CADM1: variants seen among roughly 807,000 people sequenced by gnomAD.
The protein encoded by CADM1 is cell adhesion molecule 1.
Under a neutral mutation model 53.1 loss-of-function variants are expected in CADM1, and 15 were observed. That is an observed-to-expected ratio of 0.28 (90% CI 0.19 to 0.44). The LOEUF (loss-of-function observed/expected upper bound fraction) is 0.44, where lower values mean the gene tolerates loss of function less well. CADM1 is among the 20% of genes least tolerant of loss of function. The pLI, the probability that CADM1 is intolerant of heterozygous loss-of-function variation, is 1.00. For synonymous variants in CADM1, 281 were observed against 243.0 expected, an observed-to-expected ratio of 1.16 and a Z score of -1.45; for missense variants, 434 against 611.3, an observed-to-expected ratio of 0.71 and a Z score of 3.06.
At chr11:115,371,608 G>A (rs1484883479) in intron 1 of CADM1, among the ~76,000 whole-genome samples, 1 of 150,278 alleles carries the variant, frequency 6.7e-6, no homozygotes, top group African/African-American at 2.4e-5. Context: ...ATCTAAACAC[G>A]CAATTAAAAG....
At chr11:115,271,976 T>C (rs1297016249) in intron 1 of CADM1, among the ~76,000 whole-genome samples, 2 of 152,212 alleles carry the variant, frequency 1.3e-5, no homozygotes, top group East Asian at 3.8e-4. Flanking sequence ...CTAATCACTC[T>C]TACACAGAAA....
At chr11:115,322,571 G>A (rs1033655208) in intron 1 of CADM1, among the ~76,000 whole-genome samples, 5 of 152,020 alleles carry the variant, frequency 3.3e-5, no homozygotes, top group Non-Finnish European at 4.4e-5. Flanking sequence ...CTTCTGGTTC[G>A]CCTCTTATCC....
chr11:115,340,056 T>C (rs1211159135), intron 1 of CADM1: 2 of 152,140 alleles, frequency 1.3e-5, no homozygotes, highest in African/African-American at 4.8e-5. Context: ...GCATCCAAGT[T>C]ATAAAGATGA....
rs552093974 is a variant in CADM1, at chr11:115,415,342, G to A, written c.124+88929C>T. 3.3e-5 allele frequency among the ~76,000 whole-genome samples: 5 copies of A among 152,230 alleles called. No individual in the cohort carries two copies. The East Asian group carries it at 9.7e-4, about 29-fold the overall frequency. ...TAACTGACAGTTAATTTCACCAAGT[G>A]GTCATCATTCATATATTATATACTG... On this transcript the variant is annotated intron_variant, in intron 1 of 11. Coordinates refer to ENST00000331581, the MANE Select transcript of CADM1 (RefSeq NM_001301043.2).
At chr11:115,179,417 ATT>A in intron 10 of CADM1, among the ~76,000 whole-genome samples, 1 of 151,918 alleles carries the variant, frequency 6.6e-6, no homozygotes, top group Non-Finnish European at 1.5e-5. Flanking sequence ...AACGGTTTTT[ATT>A]TTATTTATTT....
intron 1 of CADM1, among the ~76,000 whole-genome samples, chr11:115,317,983 T>TACACACACACACAC (rs35753948): frequency 2.0e-5 from 3 of 149,084 alleles, no homozygotes; most frequent in African/African-American, 7.4e-5. Flanking sequence ...TATTACACAC[T>TACACACACACACAC]ACACACACAC....
chr11:115,337,494 AT>A (rs1218992518), intron 1 of CADM1, among the ~76,000 whole-genome samples: 1 of 152,040 alleles, frequency 6.6e-6, no homozygotes, highest in Non-Finnish European at 1.5e-5. Flanking sequence ...CTTTCTGTGT[AT>A]TGAGATCCTG....
chr11:115,399,394 C>CCAGAA (rs1473513809), intron 1 of CADM1: 6 of 152,112 alleles, frequency 3.9e-5, no homozygotes, highest in Non-Finnish European at 7.4e-5. Context: ...CCAGACCAGA[C>CCAGAA]CAGAACAGAG....
intron 1 of CADM1, among the ~76,000 whole-genome samples, chr11:115,380,172 A>AAAGTGAATT (rs1483317372): frequency 3.9e-5 from 6 of 152,154 alleles, no homozygotes; most frequent in Non-Finnish European, 7.3e-5. Context: ...TCAAAGATGT[A>AAAGTGAATT]AAGTGAATTT....
At chr11:115,334,009 A>G (rs1459338884) in intron 1 of CADM1, among the ~76,000 whole-genome samples, 1 of 152,196 alleles carries the variant, frequency 6.6e-6, no homozygotes, top group East Asian at 1.9e-4. Context: ...GCTATGCCAT[A>G]GCATAAATGT....
intron 1 of CADM1, among the ~76,000 whole-genome samples, chr11:115,307,223 G>A (rs1477188173): frequency 6.6e-6 from 1 of 151,924 alleles, no homozygotes; most frequent in Non-Finnish European, 1.5e-5. Flanking sequence ...CCATTTAAAA[G>A]TAAGTGTTGG....
At position 115,370,282 on chromosome 11, in the gene CADM1, A is replaced by G. The variant is rs45580634; in HGVS notation, c.125-129862T>C. Reference sequence around the variant, plus strand: ...TCCTTAACCACAAACTACACAAGTTATAAGGAGAAAGCTTCAGGTTCACAG... The same window carrying G: ...TCCTTAACCACAAACTACACAAGTTGTAAGGAGAAAGCTTCAGGTTCACAG... On this transcript the variant is annotated intron_variant, in intron 1 of 11. Transcript: ENST00000331581. 9.4e-3 allele frequency among the ~76,000 whole-genome samples: 1,431 copies of G among 152,318 alleles called. 13 individuals carry two copies. Among genetic ancestry groups the G allele is most frequent in the Non-Finnish European group, 0.014 (973 of 68,028 alleles).
intron 1 of CADM1, among the ~76,000 whole-genome samples, chr11:115,452,116 A>G (rs1232988325): frequency 8.1e-6 from 1 of 123,182 alleles, no homozygotes; most frequent in Non-Finnish European, 1.6e-5. Context: ...TTTCTTTTTT[A>G]AAATTTCTAA....
rs373296241 is a variant in CADM1 at position 115,491,087 on chromosome 11, TA to T, written c.124+13183del. Among the ~76,000 whole-genome samples, 161 of 148,562 alleles carry T rather than the reference TA, an allele frequency of 1.1e-3. 1 individual carries two copies. Among genetic ancestry groups the T allele is most frequent in the Middle Eastern group, 3.6e-3 (1 of 280 alleles). ...ACTTAAAAGTAAATTATACTGCAAT[TA>T]AAAAAAAAAGTTGGAAGAATTGGGG... On this transcript the variant is annotated intron_variant, in intron 1 of 11. Transcript: ENST00000331581.
chr11:115,365,014 T>C (rs1946122737), intron 1 of CADM1, among the ~76,000 whole-genome samples: 1 of 152,174 alleles, frequency 6.6e-6, no homozygotes, highest in Admixed American at 6.5e-5. Context: ...ACAGGCTTAA[T>C]GAAGCGATGA....
At chr11:115,306,491 A>C (rs1267385070) in intron 1 of CADM1, among the ~76,000 whole-genome samples, 1 of 152,020 alleles carries the variant, frequency 6.6e-6, no homozygotes, top group Non-Finnish European at 1.5e-5. Context: ...CACTTCTAGC[A>C]GTTCTATATT....
At chr11:115,389,450 T>C (rs147246109) in intron 1 of CADM1, among the ~76,000 whole-genome samples, 1 of 152,338 alleles carries the variant, frequency 6.6e-6, no homozygotes, top group East Asian at 1.9e-4. Flanking sequence ...TGTCAAAGCA[T>C]TGTTTATAAA....
chr11:115,355,156 CAT>C (rs1491365746), intron 1 of CADM1, among the ~76,000 whole-genome samples: 1 of 152,178 alleles, frequency 6.6e-6, no homozygotes, highest in Non-Finnish European at 1.5e-5. Flanking sequence ...CTCATGCACG[CAT>C]ATGTTCACTG....
At chr11:115,393,298 G>C (rs1334111219) in intron 1 of CADM1, among the ~76,000 whole-genome samples, 2 of 151,540 alleles carry the variant, frequency 1.3e-5, no homozygotes, top group East Asian at 3.9e-4. Flanking sequence ...ATTTTTCTCT[G>C]AGTGGTAGGA....
Sources: allele counts gnomAD v4.1 joint callset (sites outside exome capture counted in the v4.1 genomes callset), GRCh38; gene constraint gnomAD v4.1.1; transcripts MANE v1.5; gene names NCBI Gene and HGNC (gene_info 2026-07-23, HGNC 2026-07-21).